AGAP1: variants seen among roughly 807,000 people sequenced by gnomAD.
The protein encoded by AGAP1 is ArfGAP with GTPase domain, ankyrin repeat and PH domain 1.
In AGAP1, 29 loss-of-function variants were observed where a neutral mutation model predicts 105.3. The ratio of observed to expected loss-of-function variants is 0.28; its 90% confidence interval spans 0.21 to 0.38. The LOEUF is 0.38. Among genes scored for constraint, AGAP1 ranks in the 10% least tolerant of loss-of-function variants. The pLI, the probability that AGAP1 is intolerant of heterozygous loss-of-function variation, is 1.00. For missense variants in AGAP1, 998 were observed against 1,165.1 expected, an observed-to-expected ratio of 0.86 and a Z score of 2.09; for synonymous variants, 509 against 485.9, an observed-to-expected ratio of 1.05 and a Z score of -0.63.
In AGAP1 at chr2:235,620,388, C is replaced by G. The variant is rs1400411954; in HGVS notation, c.164-88791C>G. On this transcript the variant is annotated intron_variant, in intron 1 of 17. Transcript: ENST00000304032. This position sits in a 1 kb window ranked among gnomAD's most constrained non-coding sequence, Gnocchi z 4.5. The stretch of plus-strand genomic sequence containing the variant: ...AAGCCGGGTCAGAGTGTGATGCCCT[C>G]TGCCAAAACCTCCTCCTGGCCCTCG... Among the ~76,000 whole-genome samples, 2 of 152,206 alleles carry G rather than the reference C, an allele frequency of 1.3e-5. No homozygotes were observed. The highest frequency in any genetic ancestry group is 6.5e-5 in the Admixed American group (1 of 15,278).
Position 235,549,355 on chromosome 2 carries a change from G to T in AGAP1, c.163+54506G>T, listed in dbSNP as rs1198285955. On this transcript the variant is annotated intron_variant, in intron 1 of 17. Transcript: ENST00000304032. The surrounding 1 kb of genome is among the most constrained non-coding windows in gnomAD (Gnocchi z 4.2). The stretch of plus-strand genomic sequence containing the variant: ...TCACCTGGGAAGGTCAGCGTGCAGG[G>T]TTGCAGACTGCTTAAGCCTCCTCCT... 1.3e-5 allele frequency among the ~76,000 whole-genome samples: 2 copies of T among 152,314 alleles called. No individual in the cohort carries two copies. The highest frequency in any genetic ancestry group is 4.8e-5 in the African/African-American group (2 of 41,582).
chr2:235,594,291 T>G (rs114234566), intron 1 of AGAP1, among the ~76,000 whole-genome samples: 33,574 of 150,642 alleles, frequency 0.22, 4,603 homozygotes, highest in Non-Finnish European at 0.31. Flanking sequence ...ATTCTGGGGT[T>G]TTTTTTTTTT....
chr2:235,756,339 T>G (rs1953924078), intron 6 of AGAP1, among the ~76,000 whole-genome samples: 1 of 152,072 alleles, frequency 6.6e-6, no homozygotes, highest in Non-Finnish European at 1.5e-5. Flanking sequence ...GCACCCTAAC[T>G]TTTATTGGGC....
chr2:235,733,256 G>A lies in AGAP1; in HGVS notation c.311-7707G>A, dbSNP rs1169489612. Among the ~76,000 whole-genome samples the A allele has an allele frequency of 6.6e-6, 1 of 152,142 alleles. No individual in the cohort carries two copies. Among genetic ancestry groups the A allele is most frequent in the Non-Finnish European group, 1.5e-5 (1 of 68,030 alleles). On this transcript the variant is annotated intron_variant, in intron 3 of 17. Transcript: ENST00000304032. The surrounding 1 kb of genome is among the most constrained non-coding windows in gnomAD (Gnocchi z 5.0). ...TCTTTGCCTCCGGAGAGCCTTTGCC[G>A]GCCATTCACTTCCAAGGCTTTCTTA...
rs1479936318 is a variant in AGAP1, at chr2:235,875,374, A to ATCGTGCTG, written c.1051-7968_1051-7961dup. Among the ~76,000 whole-genome samples, 4 of 152,204 alleles carry ATCGTGCTG rather than the reference A, an allele frequency of 2.6e-5. No homozygotes were observed. Among genetic ancestry groups the ATCGTGCTG allele is most frequent in the Admixed American group, 6.5e-5 (1 of 15,282 alleles). On this transcript the variant is annotated intron_variant, in intron 9 of 17. Transcript: ENST00000304032. This position sits in a 1 kb window ranked among gnomAD's most constrained non-coding sequence, Gnocchi z 4.0. ...AGCCCACCGAGGTGCGAGTCTCACCATCGTGCTGTCTGCTGAGAGATCTGA... is the reference window on the plus strand; with the variant it reads ...AGCCCACCGAGGTGCGAGTCTCACCATCGTGCTGTCGTGCTGTCTGCTGAGAGATCTGA...
At chr2:236,100,183 C>G (rs2059310796) in intron 16 of AGAP1, among the ~76,000 whole-genome samples, 1 of 152,136 alleles carries the variant, frequency 6.6e-6, no homozygotes, top group Non-Finnish European at 1.5e-5. Flanking sequence ...CCCTCCGTGC[C>G]CCTCTTCTAA....
chr2:235,916,572 C>A (rs1327498865), intron 11 of AGAP1, among the ~76,000 whole-genome samples: 1 of 152,168 alleles, frequency 6.6e-6, no homozygotes, highest in African/African-American at 2.4e-5. Context: ...TGAATAGAAT[C>A]CCATTTCTCC....
At chr2:235,594,636 G>A (rs574658455) in intron 1 of AGAP1, among the ~76,000 whole-genome samples, 2 of 152,242 alleles carry the variant, frequency 1.3e-5, no homozygotes, top group East Asian at 3.9e-4. Context: ...GTGCAGTGAT[G>A]TGATCTCGGC....
chr2:235,864,328 G>A lies in AGAP1; in HGVS notation c.1051-19017G>A, dbSNP rs1479868076. ...CGGCTCACTCTGTGGCCGGCCTGGA[G>A]GCCTGGGTGTGCTTCCTAGGCAGGC... On this transcript the variant is annotated intron_variant, in intron 9 of 17. Transcript: ENST00000304032. The surrounding 1 kb of genome is among the most constrained non-coding windows in gnomAD (Gnocchi z 5.0). Among the ~76,000 whole-genome samples, 1 of 152,192 alleles carries A rather than the reference G, an allele frequency of 6.6e-6. No homozygotes were observed. Among genetic ancestry groups the A allele is most frequent in the African/African-American group, 2.4e-5 (1 of 41,440 alleles).
chr2:235,929,457 G>A (rs746179093), intron 11 of AGAP1, among the ~76,000 whole-genome samples: 2 of 152,040 alleles, frequency 1.3e-5, no homozygotes, highest in African/African-American at 2.4e-5. Flanking sequence ...CCCTTATGAC[G>A]TTCAGAATGT....
rs1205862082 is a variant in AGAP1 at position 235,877,483 on chromosome 2, A to G, written c.1051-5862A>G. Among the ~76,000 whole-genome samples, 2 of 152,004 alleles carry G rather than the reference A, an allele frequency of 1.3e-5. No individual in the cohort carries two copies. Among genetic ancestry groups the G allele is most frequent in the Non-Finnish European group, 2.9e-5 (2 of 68,024 alleles). On this transcript the variant is annotated intron_variant, in intron 9 of 17. Coordinates refer to ENST00000304032, the MANE Select transcript of AGAP1 (RefSeq NM_001037131.3). This position sits in a 1 kb window ranked among gnomAD's most constrained non-coding sequence, Gnocchi z 4.3. ...CCCAGTCTCTTCCTTTCCTGCTTTCATACTGAGAAATCGTTTCGTGTACAG... is the reference window on the plus strand; with the variant it reads ...CCCAGTCTCTTCCTTTCCTGCTTTCGTACTGAGAAATCGTTTCGTGTACAG...
At chr2:236,079,383 A>C (rs898051456) in intron 16 of AGAP1, among the ~76,000 whole-genome samples, 14 of 151,426 alleles carry the variant, frequency 9.2e-5, no homozygotes, top group Non-Finnish European at 1.9e-4. Context: ...AAAAAAAAAA[A>C]AAAAAACAGG....
chr2:235,494,138 C>G lies in AGAP1; in HGVS notation c.-549C>G, dbSNP rs1941202290. 1 of 144,338 alleles carries G rather than the reference C, an allele frequency of 6.9e-6. No individual in the cohort carries two copies. The highest frequency in any genetic ancestry group is 6.9e-5 in the Admixed American group (1 of 14,574). 8.9% of individuals were successfully genotyped at this position (144,338 alleles called of 1,614,324 possible). On this transcript the variant is annotated 5_prime_UTR_variant, in exon 1 of 18. Coordinates refer to ENST00000304032, the MANE Select transcript of AGAP1 (RefSeq NM_001037131.3). ...TTGCAAGGCGCCTGCGACTCGGTCCCAGGTCGGCGGGCGGCGCACGGCGGG... is the reference window on the plus strand; with the variant it reads ...TTGCAAGGCGCCTGCGACTCGGTCCGAGGTCGGCGGGCGGCGCACGGCGGG...
rs1268263012 is a variant in AGAP1, at chr2:235,716,593, G to C, written c.223-964G>C. On this transcript the variant is annotated intron_variant, in intron 2 of 17. Coordinates refer to ENST00000304032, the MANE Select transcript of AGAP1 (RefSeq NM_001037131.3). This position sits in a 1 kb window ranked among gnomAD's most constrained non-coding sequence, Gnocchi z 4.0. ...CTTGTGATGTTTTGGGCTTTTTAAG[G>C]AATCGATTAGATCATGCTTAAATTT... Among the ~76,000 whole-genome samples the C allele has an allele frequency of 1.3e-5, 2 of 152,132 alleles. No homozygotes were observed. The highest frequency in any genetic ancestry group is 2.9e-5 in the Non-Finnish European group (2 of 68,030).
intron 1 of AGAP1, among the ~76,000 whole-genome samples, chr2:235,514,471 G>A (rs1942296234): frequency 6.6e-6 from 1 of 152,234 alleles, no homozygotes; most frequent in Non-Finnish European, 1.5e-5. Flanking sequence ...CCCACCTGTG[G>A]CACCTTCGCT....
Position 235,874,195 on chromosome 2 carries a change from C to T in AGAP1, c.1051-9150C>T, listed in dbSNP as rs145892035. Reference sequence around the variant, plus strand: ...CCTCCCAAGTAGCTAGGTCTACAGGCGCACACCACCATGCCCAGCTAATTT... The same window carrying T: ...CCTCCCAAGTAGCTAGGTCTACAGGTGCACACCACCATGCCCAGCTAATTT... On this transcript the variant is annotated intron_variant, in intron 9 of 17. Coordinates refer to ENST00000304032, the MANE Select transcript of AGAP1 (RefSeq NM_001037131.3). The surrounding 1 kb of genome is among the most constrained non-coding windows in gnomAD (Gnocchi z 4.5). Among the ~76,000 whole-genome samples the T allele has an allele frequency of 8.4e-3, 1,271 of 152,204 alleles. 19 individuals carry two copies. The highest frequency in any genetic ancestry group is 0.03 in the African/African-American group (1,234 of 41,522).
At chr2:235,969,765 T>A (rs922470732) in intron 13 of AGAP1, among the ~76,000 whole-genome samples, 11 of 152,146 alleles carry the variant, frequency 7.2e-5, no homozygotes, top group African/African-American at 2.4e-4. Context: ...GGGAGCATCA[T>A]TTCTTTCATC....
At chr2:235,771,285 A>G (rs1405773253) in intron 6 of AGAP1, among the ~76,000 whole-genome samples, 1 of 152,242 alleles carries the variant, frequency 6.6e-6, no homozygotes, top group Non-Finnish European at 1.5e-5. Flanking sequence ...GGCCGCCTCC[A>G]GAGGGCTTCT....
At chr2:235,945,402 G>A (rs954619673) in intron 12 of AGAP1, among the ~76,000 whole-genome samples, 6 of 152,138 alleles carry the variant, frequency 3.9e-5, no homozygotes, top group Admixed American at 3.9e-4. Flanking sequence ...GTTAACGCGT[G>A]CGCTAGCAGA....
Sources: gnomAD v4.1 joint callset for allele counts (sites outside exome capture counted in the v4.1 genomes callset) on GRCh38, gnomAD v4.1.1 for gene constraint, Gnocchi (gnomAD v3.1) non-coding constraint, MANE v1.5 for transcripts, NCBI Gene and HGNC (gene_info 2026-07-23, HGNC 2026-07-21) for gene names.